Variants in NR4A1 observed in about 807,000 individuals in gnomAD.
The protein encoded by NR4A1 is nuclear receptor subfamily 4immunitygroup A member 1.
In NR4A1, 24 loss-of-function variants were observed where a neutral mutation model predicts 47.5. That is an observed-to-expected ratio of 0.50 (90% CI 0.37 to 0.71). The LOEUF is 0.71. Ranked by LOEUF, NR4A1 falls within the 30% of genes least tolerant of loss-of-function variation. The pLI, the probability that NR4A1 is intolerant of heterozygous loss-of-function variation, is 0.00. For synonymous variants in NR4A1, 353 were observed against 345.7 expected, an observed-to-expected ratio of 1.02 and a Z score of -0.24; for missense variants, 669 against 788.6, an observed-to-expected ratio of 0.85 and a Z score of 1.82.
chr12:52,055,973 T>C (rs951292507), intron 2 of NR4A1, 57 bp from the exon 3 acceptor site: 7 of 382,202 alleles, frequency 1.8e-5, no homozygotes, highest in African/African-American at 1.2e-4. Flanking sequence ...CTCCCCTAAG[T>C]TCCCCCCTCC....
intron 1 of NR4A1, among the ~76,000 whole-genome samples, chr12:52,040,478 A>G (rs970036614): frequency 6.6e-6 from 1 of 152,016 alleles, no homozygotes. Flanking sequence ...GGATGGGAGG[A>G]TGACACTGTC....
At chr12:52,046,840 G>A (rs919756977), upstream of NR4A1, among the ~76,000 whole-genome samples, 1 of 152,090 alleles carries the variant, frequency 6.6e-6, no homozygotes, top group African/African-American at 2.4e-5. Context: ...AAAATTAGCC[G>A]GGCGTGGTGG....
At chr12:52,029,503 C>G (rs570042075) in intron 1 of NR4A1, among the ~76,000 whole-genome samples, 1 of 152,138 alleles carries the variant, frequency 6.6e-6, no homozygotes, top group Non-Finnish European at 1.5e-5. Context: ...GCCTGGGCAA[C>G]AGAGTGAAAC....
chr12:52,051,254 C>CCCCCCTCCTCG (rs1938916546), upstream of NR4A1: 1 of 205,260 alleles, frequency 4.9e-6, no homozygotes, highest in South Asian at 1.7e-4. Context: ...CATTCCAGGC[C>CCCCCCTCCTCG]CCCCCTCCTC....
At chr12:52,030,423 A>AT (rs1316426415) in intron 1 of NR4A1, among the ~76,000 whole-genome samples, 1 of 151,760 alleles carries the variant, frequency 6.6e-6, no homozygotes, top group Non-Finnish European at 1.5e-5. Flanking sequence ...CCTTTTATTT[A>AT]TTTTTTATTT....
At position 52,052,613 on chromosome 12, in the gene NR4A1, G is replaced by A. The variant is rs947181938; in HGVS notation, c.-3+1045G>A. ...TTCAACCCCGCCTCTTCCTCCTCCT[G>A]TGGGACTGCTCCCCCCTCCTGTGAG... is the stretch of plus-strand genomic sequence containing the variant. On this transcript the variant is annotated intron_variant, in intron 1 of 6. Transcript: ENST00000394825. 3 of 985,642 alleles carry A rather than the reference G, an allele frequency of 3.0e-6. No homozygotes were observed. The African/African-American group carries it at 5.2e-5, about 17-fold the overall frequency. 61.1% of individuals were successfully genotyped at this position (985,642 alleles called of 1,614,324 possible).
At chr12:52,039,532 A>G (rs978676061) in intron 1 of NR4A1, among the ~76,000 whole-genome samples, 13 of 152,178 alleles carry the variant, frequency 8.5e-5, no homozygotes, top group Non-Finnish European at 1.2e-4. Context: ...TCTGCCGCCA[A>G]ATGGAAGGGA....
chr12:52,048,396 C>T (rs555695906), upstream of NR4A1, among the ~76,000 whole-genome samples: 431 of 151,158 alleles, frequency 2.9e-3, 1 homozygote, highest in Non-Finnish European at 4.0e-3. Context: ...AGATCAAGAC[C>T]ATCCTGGCTA....
upstream of NR4A1, among the ~76,000 whole-genome samples, chr12:52,047,901 T>G (rs770794009): frequency 5.9e-5 from 9 of 152,074 alleles, no homozygotes; most frequent in Non-Finnish European, 1.2e-4. Context: ...ACGCCTGTAA[T>G]CCCAGCACTT....
At position 52,058,726 on chromosome 12, in the gene NR4A1, C is replaced by T; in HGVS notation, c.1579C>T (p.Leu527=). Residue 527 remains leucine (L), a synonymous_variant, in exon 7 of 7, where the codon CTG becomes TTG. Transcript: ENST00000394825. ...GLQEPRRVEE[L]QNRIASCLKE... is the part of the protein sequence containing the mutation. Reference sequence around the variant, plus strand: ...GCAGGAGCCGCGGCGGGTGGAGGAGCTGCAGAACCGCATCGCCAGCTGCCT... The same window carrying T: ...GCAGGAGCCGCGGCGGGTGGAGGAGTTGCAGAACCGCATCGCCAGCTGCCT... 6.2e-7 allele frequency: 1 copy of T among 1,609,642 alleles called. No individual in the cohort carries two copies. Among genetic ancestry groups the T allele is most frequent in the Non-Finnish European group, 8.5e-7 (1 of 1,178,696 alleles).
At chr12:52,058,222 A>G (rs893029934) in intron 6 of NR4A1, among the ~76,000 whole-genome samples, 2 of 152,188 alleles carry the variant, frequency 1.3e-5, no homozygotes, top group Non-Finnish European at 2.9e-5. Flanking sequence ...TGTTGAATGC[A>G]GAGGTTTTCA....
intron 2 of NR4A1, chr12:52,055,675 G>A (rs1025528316): frequency 1.4e-5 from 5 of 352,542 alleles, no homozygotes; most frequent in African/African-American, 8.4e-5. Context: ...TTAGCTTCCC[G>A]TCCCCACCCC....
chr12:52,055,224 G>A lies in NR4A1; in HGVS notation c.876+20G>A. On this transcript the variant is annotated intron_variant, in intron 2 of 6. Coordinates refer to ENST00000394825, the MANE Select transcript of NR4A1 (RefSeq NM_173157.3). ...TTCAAGGTACCGCGCAGCCCCAGGT[G>A]GGGCCTTTTGTTGGAAATGGAGAGA... 1 of 1,608,466 alleles carries A rather than the reference G, an allele frequency of 6.2e-7. No individual in the cohort carries two copies. Among genetic ancestry groups the A allele is most frequent in the Non-Finnish European group, 8.5e-7 (1 of 1,179,958 alleles).
chr12:52,043,729 CAGAG>C, intron 2 of NR4A1: 1 of 1,279,500 alleles, frequency 7.8e-7, no homozygotes, highest in African/African-American at 1.5e-5. Context: ...GCACCACATC[CAGAG>C]CTCGCTCAGC....
At chr12:52,049,339 G>T (rs927524895), upstream of NR4A1, among the ~76,000 whole-genome samples, 7 of 152,262 alleles carry the variant, frequency 4.6e-5, 1 homozygote, top group Non-Finnish European at 8.8e-5. Flanking sequence ...GGTCAACTGT[G>T]TATGAAGACT....
chr12:52,036,384 T>C (rs970529918), intron 1 of NR4A1, among the ~76,000 whole-genome samples: 1 of 152,128 alleles, frequency 6.6e-6, no homozygotes, highest in African/African-American at 2.4e-5. Flanking sequence ...GAAGCACTCC[T>C]TTGGATTGGG....
rs370471749 is a variant in NR4A1, at chr12:52,057,160, C to T, written c.1262C>T (p.Ala421Val). Residue 421 changes from alanine (A) to valine (V), a missense_variant, in exon 5 of 7, where the codon GCG becomes GTG. Ala to Val is a moderately conservative substitution (Grantham distance 64). Coordinates refer to ENST00000394825, the MANE Select transcript of NR4A1 (RefSeq NM_173157.3). ...SGSLEVIRKW[A>V]EKIPGFAELS... ...TCTCTGGAGGTCATCCGCAAGTGGG[C>T]GGAGAAGATCCCTGGCTTTGCTGAG... 13 of 1,613,978 alleles carry T rather than the reference C, an allele frequency of 8.1e-6. No homozygotes were observed. The highest frequency in any genetic ancestry group is 1.1e-5 in the Non-Finnish European group (13 of 1,179,964).
At chr12:52,036,613 C>T (rs778532630) in intron 1 of NR4A1, among the ~76,000 whole-genome samples, 58 of 152,252 alleles carry the variant, frequency 3.8e-4, no homozygotes, top group Non-Finnish European at 6.6e-4. Context: ...GGGCCTGCAC[C>T]CCCGCCTCGG....
At chr12:52,056,956 C>T (rs550919573) in intron 4 of NR4A1, 101 bp from the exon 5 acceptor site, 409 of 1,142,770 alleles carry the variant, frequency 3.6e-4, no homozygotes, top group Admixed American at 6.9e-4. Context: ...AGATCCACTC[C>T]CACTCCCGGG....
Sources: allele counts gnomAD v4.1 joint callset (sites outside exome capture counted in the v4.1 genomes callset), GRCh38; gene constraint gnomAD v4.1.1; transcripts MANE v1.5; gene names NCBI Gene and HGNC (gene_info 2026-07-23, HGNC 2026-07-21).